Variants in DNAH6 observed in about 807,000 individuals in gnomAD.
DNAH6 encodes dynein axonemal heavy chain 6.
Under a neutral mutation model 491.4 loss-of-function variants are expected in DNAH6, and 340 were observed. The ratio of observed to expected loss-of-function variants is 0.69; its 90% confidence interval spans 0.63 to 0.76. The LOEUF is 0.76. DNAH6 is among the 30% of genes least tolerant of loss of function. The pLI, the probability that DNAH6 is intolerant of heterozygous loss-of-function variation, is 0.00. For missense variants in DNAH6, 4,443 were observed against 4,972.2 expected, an observed-to-expected ratio of 0.89 and a Z score of 3.20; for synonymous variants, 1,603 against 1,686.1, an observed-to-expected ratio of 0.95 and a Z score of 1.21.
chr2:84,666,064 A>C (rs1287095185), intron 37 of DNAH6, among the ~76,000 whole-genome samples: 1 of 152,212 alleles, frequency 6.6e-6, no homozygotes, highest in East Asian at 1.9e-4. Context: ...CTTCATGCTA[A>C]AAACTCTCAA....
In DNAH6 at chr2:84,652,678, A is replaced by T. The variant is rs950426004; in HGVS notation, c.5079-641A>T. Among the ~76,000 whole-genome samples the T allele has an allele frequency of 8.0e-4, 121 of 152,014 alleles. 1 individual carries two copies. Among genetic ancestry groups the T allele is most frequent in the African/African-American group, 2.8e-3 (115 of 41,416 alleles). ...TTTCTTCTAGTACTTTCATCACTTTATGTAAGGTTTTAACTGTATCACAAA... is the reference window on the plus strand; with the variant it reads ...TTTCTTCTAGTACTTTCATCACTTTTTGTAAGGTTTTAACTGTATCACAAA... On this transcript the variant is annotated intron_variant, in intron 33 of 76. Coordinates refer to ENST00000389394, the MANE Select transcript of DNAH6 (RefSeq NM_001370.2).
intron 68 of DNAH6, among the ~76,000 whole-genome samples, chr2:84,790,931 C>G (rs1191481752): frequency 1.3e-5 from 2 of 152,170 alleles, no homozygotes; most frequent in African/African-American, 4.8e-5. Context: ...GTGGCTCACG[C>G]CTGTAATCCC....
intron 35 of DNAH6, among the ~76,000 whole-genome samples, chr2:84,656,383 G>A: frequency 6.6e-6 from 1 of 152,100 alleles, no homozygotes; most frequent in East Asian, 1.9e-4. Flanking sequence ...TTCTAATGTG[G>A]CTGTATCATT....
chr2:84,654,923 T>C, intron 35 of DNAH6, 141 bp downstream of exon 35: 1 of 916,386 alleles, frequency 1.1e-6, no homozygotes, highest in South Asian at 1.8e-5. Context: ...CCCTGTGAAT[T>C]CCTGGAATCG....
chr2:84,459,637 G>A, the DNAH6 span: 111 of 235,700 alleles, frequency 4.7e-4, no homozygotes, highest in Middle Eastern at 3.3e-3. Context: ...GGGGAGACAA[G>A]GGACTTGAAG....
chr2:84,573,179 T>C (rs1682065905), intron 11 of DNAH6, among the ~76,000 whole-genome samples: 1 of 152,236 alleles, frequency 6.6e-6, no homozygotes, highest in African/African-American at 2.4e-5. Context: ...AATATATAAG[T>C]TCACCATGAA....
chr2:84,718,052 A>C (rs1418155669), intron 58 of DNAH6, among the ~76,000 whole-genome samples, 152 bp from the exon 59 acceptor site: 1 of 152,232 alleles, frequency 6.6e-6, no homozygotes, highest in Non-Finnish European at 1.5e-5. Flanking sequence ...CCAGCAAAAG[A>C]GACATGGTGT....
At chr2:84,808,342 G>T in intron 71 of DNAH6, 73 bp from the exon 72 acceptor site, 1 of 1,415,976 alleles carries the variant, frequency 7.1e-7, no homozygotes, top group Non-Finnish European at 9.3e-7. Flanking sequence ...GTTAAGATAA[G>T]CACATTGCCT....
chr2:84,460,790 C>G, the DNAH6 span, among the ~76,000 whole-genome samples: 2 of 152,194 alleles, frequency 1.3e-5, no homozygotes, highest in East Asian at 3.8e-4. Flanking sequence ...CTCACTAACG[C>G]AGGCCTCCAT....
the DNAH6 span, among the ~76,000 whole-genome samples, chr2:84,461,071 G>A: frequency 2.0e-5 from 3 of 151,966 alleles, no homozygotes; most frequent in South Asian, 4.2e-4. Flanking sequence ...ATTTAGCAGG[G>A]GATAAGATAA....
In DNAH6 at chr2:84,761,789, TACACAC is replaced by T. The variant is rs35707461; in HGVS notation, c.10513-938_10513-933del. ...ACAGCATTACATACACACACACACATACACACACACACACACACACACACACACACA... is the reference window on the plus strand; with the variant it reads ...ACAGCATTACATACACACACACACATACACACACACACACACACACACACA... On this transcript the variant is annotated intron_variant, in intron 63 of 76. Transcript: ENST00000389394. 1.8e-3 allele frequency among the ~76,000 whole-genome samples: 262 copies of T among 141,874 alleles called. 3 individuals are homozygous for T. Among genetic ancestry groups the T allele is most frequent in the African/African-American group, 5.8e-3 (221 of 38,314 alleles). 93.1% of individuals were successfully genotyped at this position (141,874 alleles called of 152,430 possible).
At chr2:84,551,398 G>GA (rs35153191) in intron 9 of DNAH6, among the ~76,000 whole-genome samples, 136,557 of 152,178 alleles carry the variant, frequency 0.9, 61,597 homozygotes, top group East Asian at 0.99. Context: ...CTTCAAAGGG[G>GA]AAAAAAGATA....
intron 46 of DNAH6, among the ~76,000 whole-genome samples, chr2:84,696,747 A>C (rs943153326): frequency 6.6e-6 from 1 of 152,114 alleles, no homozygotes; most frequent in Admixed American, 6.5e-5. Flanking sequence ...AAGTTAACTG[A>C]AATAAAGGGT....
At chr2:84,725,173 A>G (rs1024700361) in intron 60 of DNAH6, among the ~76,000 whole-genome samples, 2 of 152,230 alleles carry the variant, frequency 1.3e-5, no homozygotes, top group African/African-American at 4.8e-5. Flanking sequence ...ATCTCTGCAT[A>G]TAACATTCCA....
intron 60 of DNAH6, among the ~76,000 whole-genome samples, chr2:84,724,628 T>A (rs1281132331): frequency 2.6e-5 from 4 of 152,214 alleles, no homozygotes; most frequent in Non-Finnish European, 4.4e-5. Context: ...CAAAGCCTGC[T>A]GCTGGGACTG....
intron 61 of DNAH6, among the ~76,000 whole-genome samples, chr2:84,732,411 A>AAAATGTGGTATATTTATACAATGGAATAT (rs1699199181): frequency 1.3e-5 from 2 of 152,236 alleles, no homozygotes; most frequent in Admixed American, 6.5e-5. Flanking sequence ...ATAGATAAAT[A>AAAATGTGGTATATTTATACAATGGAATAT]AAATGTGGTA....
chr2:84,665,253 C>A (rs1380447556), intron 37 of DNAH6, among the ~76,000 whole-genome samples: 1 of 151,868 alleles, frequency 6.6e-6, no homozygotes, highest in Non-Finnish European at 1.5e-5. Flanking sequence ...AAGATCAGAG[C>A]AGAACTGAAG....
chr2:84,680,176 AC>A (rs1693644816), intron 41 of DNAH6, among the ~76,000 whole-genome samples: 1 of 152,138 alleles, frequency 6.6e-6, no homozygotes, highest in Non-Finnish European at 1.5e-5. Context: ...CCCACTGAAA[AC>A]AAATACTCAG....
rs1425681811 is a variant in DNAH6, at chr2:84,606,964, C to G, written c.3175-12C>G. The G allele has an allele frequency of 2.5e-5, 38 of 1,547,708 alleles. No homozygotes were observed. Among genetic ancestry groups the G allele is most frequent in the Admixed American group, 9.8e-5 (5 of 50,894 alleles). ...TGGGTGCTGCATGTATTTTCTTCCC[C>G]TTCCTTTAAAGGTCCTTCTTGATGA... is the stretch of plus-strand genomic sequence containing the variant. On this transcript the variant is annotated splice_polypyrimidine_tract_variant and intron_variant, in intron 20 of 76. Coordinates refer to ENST00000389394, the MANE Select transcript of DNAH6 (RefSeq NM_001370.2).
Sources: gnomAD v4.1 joint callset for allele counts (sites outside exome capture counted in the v4.1 genomes callset) on GRCh38, gnomAD v4.1.1 for gene constraint, MANE v1.5 for transcripts, NCBI Gene and HGNC (gene_info 2026-07-23, HGNC 2026-07-21) for gene names.